The following CLDN16 variants were observed in gnomAD, a reference collection of about 807,000 sequenced individuals.
The protein encoded by CLDN16 is claudin-16.
A neutral mutation model predicts 24.6 loss-of-function variants in CLDN16; 13 were observed. That is an observed-to-expected ratio of 0.53 (90% CI 0.34 to 0.84). CLDN16 has a LOEUF of 0.84. Among genes scored for constraint, CLDN16 ranks in the 40% least tolerant of loss-of-function variants. CLDN16 has a pLI of 0.01. For missense variants in CLDN16, 298 were observed against 292.7 expected, an observed-to-expected ratio of 1.02 and a Z score of -0.13; for synonymous variants, 116 against 106.7, an observed-to-expected ratio of 1.09 and a Z score of -0.54.
intron 1 of CLDN16, among the ~76,000 whole-genome samples, chr3:190,342,473 A>G (rs1717460376): frequency 6.6e-6 from 1 of 151,040 alleles, no homozygotes; most frequent in East Asian, 1.9e-4. Context: ...TTACAATAGC[A>G]TAAAAATTGA....
At chr3:190,294,714 T>C in the CLDN16 span, among the ~76,000 whole-genome samples, 1 of 152,114 alleles carries the variant, frequency 6.6e-6, no homozygotes, top group East Asian at 1.9e-4. Context: ...TACCCTAATC[T>C]TTTCTGTAGA....
At chr3:190,333,816 G>A (rs892347498) in intron 1 of CLDN16, among the ~76,000 whole-genome samples, 53 of 151,890 alleles carry the variant, frequency 3.5e-4, no homozygotes, top group Non-Finnish European at 6.2e-4. Context: ...TTCTTCAAAG[G>A]TGTATTATTT....
At chr3:190,401,948 T>C (rs1718973368) in intron 1 of CLDN16, among the ~76,000 whole-genome samples, 1 of 151,886 alleles carries the variant, frequency 6.6e-6, no homozygotes, top group Middle Eastern at 3.2e-3. Flanking sequence ...TTATCATCTA[T>C]TGTTATATAT....
chr3:190,400,431 C>T (rs1325201359), intron 1 of CLDN16, among the ~76,000 whole-genome samples: 1 of 152,062 alleles, frequency 6.6e-6, no homozygotes, highest in Non-Finnish European at 1.5e-5. Flanking sequence ...CGGGGTTTCA[C>T]CATGTTAGCC....
chr3:190,296,399 A>C, the CLDN16 span, among the ~76,000 whole-genome samples: 87,723 of 151,880 alleles, frequency 0.58, 26,012 homozygotes, highest in African/African-American at 0.71. Context: ...CTTCTGGGAG[A>C]AAACTGATGC....
At chr3:190,321,896 T>C, upstream of CLDN16, 5 of 954,580 alleles carry the variant, frequency 5.2e-6, no homozygotes, top group Admixed American at 1.8e-5. Context: ...CTGATAACCA[T>C]GGAATCACAC....
chr3:190,347,211 G>A (rs77299428), intron 1 of CLDN16, among the ~76,000 whole-genome samples: 11 of 152,230 alleles, frequency 7.2e-5, no homozygotes, highest in Non-Finnish European at 1.2e-4. Context: ...GGATGGCAAC[G>A]TATAGATGAT....
upstream of CLDN16, chr3:190,322,265 G>A (rs1434123078): frequency 6.7e-6 from 10 of 1,495,198 alleles, no homozygotes; most frequent in Non-Finnish European, 9.3e-6. Flanking sequence ...CGGAGAGTTT[G>A]CAGGTGGGCA....
At chr3:190,342,405 G>T (rs902244948) in intron 1 of CLDN16, among the ~76,000 whole-genome samples, 1 of 152,016 alleles carries the variant, frequency 6.6e-6, no homozygotes, top group Non-Finnish European at 1.5e-5. Flanking sequence ...AAAATCTGTG[G>T]GATTTATATA....
chr3:190,311,601 AT>A, the CLDN16 span, among the ~76,000 whole-genome samples: 8 of 151,222 alleles, frequency 5.3e-5, no homozygotes, highest in East Asian at 1.9e-4. Flanking sequence ...TATATCTGTT[AT>A]TTTTTTAAAA....
At chr3:190,404,651 C>A in intron 2 of CLDN16, 111 bp from the exon 3 acceptor site, 2 of 1,006,110 alleles carry the variant, frequency 2.0e-6, no homozygotes, top group Non-Finnish European at 1.6e-6. Flanking sequence ...TGACTTTTAC[C>A]GGAGGGGTGT....
chr3:190,310,325 C>G, the CLDN16 span: 1 of 1,162,928 alleles, frequency 8.6e-7, no homozygotes, highest in Non-Finnish European at 1.3e-6. Flanking sequence ...CCTGTTAAAC[C>G]AAAACATATT....
At chr3:190,310,158 A>C in the CLDN16 span, 1 of 1,608,692 alleles carries the variant, frequency 6.2e-7, no homozygotes, top group Non-Finnish European at 8.5e-7. Flanking sequence ...TTTACGCCTG[A>C]ATAGCGTTAC....
chr3:190,391,463 A>G (rs1718663090), intron 1 of CLDN16, among the ~76,000 whole-genome samples: 1 of 152,216 alleles, frequency 6.6e-6, no homozygotes, highest in Admixed American at 6.5e-5. Context: ...TGAGCAAGAA[A>G]TAAACGAAGT....
At chr3:190,406,994 C>T (rs1237720927) in intron 3 of CLDN16, among the ~76,000 whole-genome samples, 2 of 152,018 alleles carry the variant, frequency 1.3e-5, no homozygotes, top group East Asian at 3.9e-4. Flanking sequence ...CCCGCCTCGG[C>T]CCCCCAAAGC....
intron 1 of CLDN16, among the ~76,000 whole-genome samples, chr3:190,349,771 A>G (rs1297234733): frequency 6.6e-6 from 1 of 152,198 alleles, no homozygotes; most frequent in Non-Finnish European, 1.5e-5. Flanking sequence ...CATGAGAAGA[A>G]CATGCCTGAG....
At chr3:190,392,288 CT>C (rs1718699622) in intron 1 of CLDN16, among the ~76,000 whole-genome samples, 2 of 151,858 alleles carry the variant, frequency 1.3e-5, no homozygotes, top group East Asian at 1.9e-4. Context: ...TTTATTCCCC[CT>C]CTCTCTTTTC....
At chr3:190,369,442 T>C (rs1466364363) in intron 1 of CLDN16, among the ~76,000 whole-genome samples, 1 of 151,990 alleles carries the variant, frequency 6.6e-6, no homozygotes, top group Non-Finnish European at 1.5e-5. Flanking sequence ...GAAATTGCTA[T>C]AATTTGATTA....
chr3:190,337,243 C>T (rs6776618), intron 1 of CLDN16, among the ~76,000 whole-genome samples: 1 of 152,040 alleles, frequency 6.6e-6, no homozygotes, highest in Non-Finnish European at 1.5e-5. Context: ...CTTAAAAGAA[C>T]GCTATACACA....
Sources: allele counts gnomAD v4.1 joint callset (sites outside exome capture counted in the v4.1 genomes callset), GRCh38; gene constraint gnomAD v4.1.1; transcripts MANE v1.5; gene names NCBI Gene and HGNC (gene_info 2026-07-23, HGNC 2026-07-21).